MS4A5: variants seen among roughly 807,000 people sequenced by gnomAD.
MS4A5 encodes membrane spanning 4-domains A5, also known as membrane-spanning 4-domains subfamily A member 5.
A neutral mutation model predicts 18.2 loss-of-function variants in MS4A5; 15 were observed. The observed-to-expected ratio is 0.83, with a 90% CI of 0.55 to 1.27. MS4A5 has a LOEUF of 1.27. Among genes scored for constraint, MS4A5 ranks in the 50% most tolerant of loss-of-function variants. The pLI is 0.00. For missense variants in MS4A5, 232 were observed against 225.7 expected (o/e 1.03, Z -0.18); for synonymous variants, 89 against 78.7 (o/e 1.13, Z -0.69).
chr11:60,441,428 TAAAA>T (rs35030888), intron 4 of MS4A5, among the ~76,000 whole-genome samples: 2 of 91,632 alleles, frequency 2.2e-5, no homozygotes, highest in Admixed American at 3.2e-4. Flanking sequence ...TAAAGTATAA[TAAAA>T]AAAAAGAAAA....
chr11:60,430,893 T>C lies in MS4A5; in HGVS notation c.251T>C (p.Leu84Pro). 1 of 1,613,260 alleles carries C rather than the reference T, an allele frequency of 6.2e-7. No individual in the cohort carries two copies. The highest frequency in any genetic ancestry group is 8.5e-7 in the Non-Finnish European group (1 of 1,179,918). Residue 84 changes from leucine to proline, a missense_variant, in exon 2 of 5, where the codon CTT becomes CCT. Leu to Pro is a moderately conservative substitution (Grantham distance 98). Coordinates refer to ENST00000300190, the MANE Select transcript of MS4A5 (RefSeq NM_023945.3). Reference sequence around the variant, plus strand: ...TATCCAAGGTTTCCCTTTATATTTCTTTCAGGATATCCATTCTGGGGCTCT... The same window carrying C: ...TATCCAAGGTTTCCCTTTATATTTCCTTCAGGATATCCATTCTGGGGCTCT... Reference protein sequence around the residue: ...KPYPRFPFIFLSGYPFWGSVL... With the variant: ...KPYPRFPFIFPSGYPFWGSVL...
chr11:60,432,454 C>T lies in MS4A5; in HGVS notation c.326C>T (p.Thr109Ile). The change falls in exon 3 of 5, where the codon ACC becomes ATC. Residue 109 changes from threonine (T) to isoleucine (I), a missense_variant. Physicochemically the swap from Thr to Ile is moderately conservative, Grantham distance 89. Coordinates refer to ENST00000300190, the MANE Select transcript of MS4A5 (RefSeq NM_023945.3). ...GAFLIAVKRK[T>I]TETLIILSRI... ...TTCCTAATTGCAGTGAAAAGAAAAA[C>T]CACAGAAACTCTGGTGAGTTATATT... 6.3e-7 allele frequency: 1 copy of T among 1,588,584 alleles called. No individual in the cohort carries two copies. The highest frequency in any genetic ancestry group is 8.6e-7 in the Non-Finnish European group (1 of 1,159,616).
intron 2 of MS4A5, 90 bp from the exon 3 acceptor site, chr11:60,432,321 C>A (rs2086053452): frequency 1.4e-6 from 1 of 737,210 alleles, no homozygotes; most frequent in Non-Finnish European, 2.2e-6. Context: ...AGAAGGCGGG[C>A]CTGTAAAAGA....
intron 4 of MS4A5, chr11:60,435,585 G>A (rs1289750573): frequency 6.7e-5 from 20 of 297,258 alleles, no homozygotes; most frequent in Admixed American, 1.4e-4. Context: ...CACCCTGCGC[G>A]AGCCGAAGCA....
intron 4 of MS4A5, among the ~76,000 whole-genome samples, chr11:60,435,149 T>C (rs1313642622): frequency 2.0e-5 from 3 of 152,212 alleles, no homozygotes; most frequent in African/African-American, 7.2e-5. Flanking sequence ...GGTCTTGGTA[T>C]GTGGTGCCCC....
chr11:60,432,527 C>T (rs1348970195), intron 3 of MS4A5, 60 bp downstream of exon 3: 26 of 1,101,272 alleles, frequency 2.4e-5, no homozygotes, highest in Admixed American at 4.2e-5. Flanking sequence ...GTGGCTCATA[C>T]CTGTAATCCC....
intron 2 of MS4A5, 58 bp downstream of exon 2, chr11:60,430,982 T>C: frequency 6.4e-7 from 1 of 1,563,440 alleles, no homozygotes; most frequent in East Asian, 2.3e-5. Flanking sequence ...GTTAGGGAAT[T>C]CTTCACAATG....
intron 2 of MS4A5, among the ~76,000 whole-genome samples, 197 bp from the exon 3 acceptor site, chr11:60,432,214 G>A (rs913554554): frequency 6.6e-5 from 10 of 152,184 alleles, no homozygotes; most frequent in African/African-American, 2.2e-4. Context: ...TAGGGCTAAA[G>A]GAGATTTCCA....
At position 60,431,295 on chromosome 11, in the gene MS4A5, T is replaced by A. The variant is rs73481272; in HGVS notation, c.282+371T>A. Among the ~76,000 whole-genome samples, 1,037 of 152,336 alleles carry A rather than the reference T, an allele frequency of 6.8e-3. 12 individuals are homozygous for A. Among genetic ancestry groups the A allele is most frequent in the African/African-American group, 0.024 (986 of 41,572 alleles). On this transcript the variant is annotated intron_variant, in intron 2 of 4. Transcript: ENST00000300190. ...CACTTCAAGTCAGTGTGATAAATGT[T>A]ATCACAGAGGTGCAGGAAATGCTTA...
rs1217944362 is a variant in MS4A5 at position 60,431,047 on chromosome 11, T to C, written c.282+123T>C. ...CTTTCAAAAGTGCAAAAAACTAACC[T>C]TGTTGAAATTATTTCCCCATTAGTT... is the stretch of plus-strand genomic sequence containing the variant. On this transcript the variant is annotated intron_variant, in intron 2 of 4. Coordinates refer to ENST00000300190, the MANE Select transcript of MS4A5 (RefSeq NM_023945.3). 2.7e-5 allele frequency: 28 copies of C among 1,022,864 alleles called. 1 individual carries two copies. The South Asian group carries it at 4.7e-4, about 17-fold the overall frequency. 63.4% of individuals were successfully genotyped at this position (1,022,864 alleles called of 1,614,324 possible). A position where few individuals can be genotyped will look rare whatever the true frequency, so the allele number is the denominator to read the frequency against.
intron 4 of MS4A5, among the ~76,000 whole-genome samples, chr11:60,443,394 G>T (rs1033925509): frequency 6.6e-6 from 1 of 151,048 alleles, no homozygotes; most frequent in African/African-American, 2.4e-5. Context: ...AAGGCTCAAA[G>T]AATTTACAAC....
intron 4 of MS4A5, among the ~76,000 whole-genome samples, chr11:60,442,288 A>G (rs1009038172): frequency 1.3e-5 from 2 of 152,214 alleles, no homozygotes; most frequent in African/African-American, 4.8e-5. Flanking sequence ...CAAAGGCATT[A>G]CCTCCCATAG....
chr11:60,445,221 A>G (rs1355589469), intron 4 of MS4A5, among the ~76,000 whole-genome samples: 1 of 152,014 alleles, frequency 6.6e-6, no homozygotes, highest in African/African-American at 2.4e-5. Context: ...TAAAAATGTG[A>G]TATATCTTGA....
chr11:60,432,676 T>A (rs540198839), intron 3 of MS4A5, among the ~76,000 whole-genome samples: 1 of 150,848 alleles, frequency 6.6e-6, no homozygotes, highest in Non-Finnish European at 1.5e-5. Flanking sequence ...TCCCAGCTAC[T>A]CAGGAGGCTG....
Position 60,429,601 on chromosome 11 carries a change from G to C in MS4A5, c.-74G>C. 1 of 1,436,304 alleles carries C rather than the reference G, an allele frequency of 7.0e-7. No homozygotes were observed. Among genetic ancestry groups the C allele is most frequent in the Non-Finnish European group, 9.4e-7 (1 of 1,065,442 alleles). The allele number at this position is 1,436,304 out of a possible 1,614,324, so 89.0% of individuals were successfully genotyped here. On this transcript the variant is annotated 5_prime_UTR_variant, in exon 1 of 5. Coordinates refer to ENST00000300190, the MANE Select transcript of MS4A5 (RefSeq NM_023945.3). ...AATTCCAGTGCTCCAGGCAGCCTCA[G>C]CACAAGAAAAGAACATGGTCTAGAC...
intron 4 of MS4A5, chr11:60,435,559 G>A (rs934788043): frequency 9.8e-5 from 36 of 365,778 alleles, no homozygotes; most frequent in African/African-American, 7.3e-4. Context: ...AGTGGGCGCA[G>A]GTCAGTGGGT....
At chr11:60,447,500 C>T (rs1364499421) in intron 4 of MS4A5, 149 bp from the exon 5 acceptor site, 2 of 582,332 alleles carry the variant, frequency 3.4e-6, no homozygotes, top group South Asian at 4.3e-5. Flanking sequence ...GAAAATCCTT[C>T]ACTGATTTGA....
intron 1 of MS4A5, 51 bp downstream of exon 1, chr11:60,429,878 A>G (rs372918348): frequency 1.4e-4 from 209 of 1,545,202 alleles, no homozygotes; most frequent in Non-Finnish European, 1.8e-4. Flanking sequence ...GGGAAAGGCT[A>G]GGGAAATTAT....
chr11:60,432,911 A>C (rs1249006009), intron 3 of MS4A5, among the ~76,000 whole-genome samples: 2 of 152,210 alleles, frequency 1.3e-5, no homozygotes, highest in Non-Finnish European at 2.9e-5. Flanking sequence ...ACAAACTATC[A>C]AGTATTAATA....
Sources: allele counts gnomAD v4.1 joint callset (sites outside exome capture counted in the v4.1 genomes callset), GRCh38; gene constraint gnomAD v4.1.1; transcripts MANE v1.5; gene names NCBI Gene and HGNC (gene_info 2026-07-23, HGNC 2026-07-21).